Variants in RNF169 observed in about 807,000 individuals in gnomAD.
RNF169 encodes the protein ring finger protein 169, also known as E3 ubiquitin-protein ligase RNF169.
Under a neutral mutation model 53.9 loss-of-function variants are expected in RNF169, and 24 were observed. The observed-to-expected ratio is 0.45, with a 90% confidence interval of 0.32 to 0.63. RNF169 has a LOEUF of 0.63. Among genes scored for constraint, RNF169 ranks in the 20% least tolerant of loss-of-function variants. The probability of loss-of-function intolerance (pLI) is 0.04; values close to 1 mark genes in which losing one functional copy is unlikely to be tolerated. For synonymous variants in RNF169, 396 were observed against 363.5 expected, an observed-to-expected ratio of 1.09 and a Z score of -1.02; for missense variants, 883 against 906.2, an observed-to-expected ratio of 0.97 and a Z score of 0.33.
intron 1 of RNF169, among the ~76,000 whole-genome samples, chr11:74,785,605 T>A (rs1164638987): frequency 6.6e-6 from 1 of 152,134 alleles, no homozygotes; most frequent in Non-Finnish European, 1.5e-5. Flanking sequence ...TTCTATGTAA[T>A]TTTTGAGCTT....
chr11:74,817,537 A>G, intron 3 of RNF169, 59 bp from the exon 4 acceptor site: 3 of 1,032,032 alleles, frequency 2.9e-6, no homozygotes, highest in Non-Finnish European at 4.6e-6. Flanking sequence ...ACCTATAGCT[A>G]GAGTAGATGC....
intron 3 of RNF169, among the ~76,000 whole-genome samples, chr11:74,817,198 C>G (rs2035951429): frequency 1.3e-5 from 2 of 152,154 alleles, no homozygotes; most frequent in South Asian, 2.1e-4. Context: ...ATTAACTACT[C>G]TGAGCCTCAG....
chr11:74,768,044 C>A (rs1179255010), intron 1 of RNF169, among the ~76,000 whole-genome samples: 1 of 152,094 alleles, frequency 6.6e-6, no homozygotes, highest in Non-Finnish European at 1.5e-5. Context: ...TAGTCAAGAC[C>A]ATTTTGAAGA....
intron 1 of RNF169, among the ~76,000 whole-genome samples, chr11:74,764,234 G>A (rs1186395047): frequency 6.6e-6 from 1 of 152,218 alleles, no homozygotes; most frequent in African/African-American, 2.4e-5. Flanking sequence ...ACTCAGGTGA[G>A]TTATTCAAGA....
chr11:74,790,879 G>C (rs567047342), intron 2 of RNF169, among the ~76,000 whole-genome samples: 1 of 152,228 alleles, frequency 6.6e-6, no homozygotes, highest in Non-Finnish European at 1.5e-5. Flanking sequence ...CTCAGTCTGG[G>C]CTCCCTGAAG....
rs1489434501 is a variant in RNF169 at position 74,821,539 on chromosome 11, TC to T, written c.842+3828del. 7.1e-5 allele frequency among the ~76,000 whole-genome samples: 8 copies of T among 112,210 alleles called. 1 individual carries two copies. The East Asian group carries it at 1.9e-3, about 27-fold the overall frequency. 73.6% of individuals were successfully genotyped at this position (112,210 alleles called of 152,430 possible). A position where few individuals can be genotyped will look rare whatever the true frequency, so the allele number is the denominator to read the frequency against. On this transcript the variant is annotated intron_variant, in intron 4 of 5. Transcript: ENST00000299563. The stretch of plus-strand genomic sequence containing the variant: ...CGGGCGTAGTGGCGGGCGCCTGTAG[TC>T]CCAGCTACCTGGGAGGCTGAGGCAG...
intron 1 of RNF169, among the ~76,000 whole-genome samples, chr11:74,763,941 G>A (rs1250145056): frequency 6.6e-6 from 1 of 152,168 alleles, no homozygotes; most frequent in East Asian, 1.9e-4. Context: ...TGACCTCCCA[G>A]GCTCAAGTGA....
chr11:74,801,618 A>G (rs1369594658), intron 2 of RNF169, among the ~76,000 whole-genome samples: 1 of 152,236 alleles, frequency 6.6e-6, no homozygotes, highest in African/African-American at 2.4e-5. Context: ...AGCTCTAGAT[A>G]TCAACAAAAA....
At position 74,799,910 on chromosome 11, in the gene RNF169, T is replaced by A. The variant is rs573476915; in HGVS notation, c.576+10211T>A. On this transcript the variant is annotated intron_variant, in intron 2 of 5. Transcript: ENST00000299563. Reference sequence around the variant, plus strand: ...TCAAAAATTTAAGCTTAAGACTTTTTAAAAAATAGATTTTAGATCACATTA... The same window carrying A: ...TCAAAAATTTAAGCTTAAGACTTTTAAAAAAATAGATTTTAGATCACATTA... Among the ~76,000 whole-genome samples the A allele has an allele frequency of 2.4e-3, 361 of 151,228 alleles. 3 individuals are homozygous for A. Among genetic ancestry groups the A allele is most frequent in the African/African-American group, 8.4e-3 (345 of 41,160 alleles).
intron 1 of RNF169, among the ~76,000 whole-genome samples, chr11:74,789,353 A>G (rs148867195): frequency 6.6e-6 from 1 of 152,344 alleles, no homozygotes; most frequent in Middle Eastern, 3.4e-3. Context: ...ACAAGCATTT[A>G]TCAACCTCAG....
intron 2 of RNF169, among the ~76,000 whole-genome samples, chr11:74,803,428 A>C (rs1041511185): frequency 6.6e-6 from 1 of 152,066 alleles, no homozygotes; most frequent in South Asian, 2.1e-4. Context: ...GAGATATGAG[A>C]TATGTTCTGG....
chr11:74,749,886 A>C lies in RNF169; in HGVS notation c.502+504A>C, dbSNP rs181668197. On this transcript the variant is annotated intron_variant, in intron 1 of 5. Coordinates refer to ENST00000299563, the MANE Select transcript of RNF169 (RefSeq NM_001098638.2). ...CGAGAGCAGAGGGGGTTGGGAGCAC[A>C]CTTGTGCAGTTGTTTTCATACATTT... 5.9e-5 allele frequency among the ~76,000 whole-genome samples: 9 copies of C among 152,310 alleles called. No individual in the cohort carries two copies. The East Asian group carries it at 1.7e-3, about 29-fold the overall frequency.
chr11:74,834,368 T>C (rs893773714), intron 4 of RNF169, among the ~76,000 whole-genome samples: 6 of 152,238 alleles, frequency 3.9e-5, no homozygotes, highest in African/African-American at 7.2e-5. Context: ...ATCCACCCTA[T>C]TAAGGATAGT....
intron 1 of RNF169, among the ~76,000 whole-genome samples, chr11:74,754,813 C>G (rs1591383898): frequency 6.6e-6 from 1 of 152,182 alleles, no homozygotes; most frequent in Non-Finnish European, 1.5e-5. Flanking sequence ...GAGCGAGACT[C>G]TCTCTGAAAA....
intron 1 of RNF169, among the ~76,000 whole-genome samples, chr11:74,769,546 C>T (rs1183578356): frequency 1.3e-5 from 2 of 152,090 alleles, no homozygotes; most frequent in Non-Finnish European, 2.9e-5. Flanking sequence ...CATTACAGCA[C>T]TGTAGTACTA....
intron 1 of RNF169, among the ~76,000 whole-genome samples, chr11:74,772,182 A>T (rs78717610): frequency 5.8e-5 from 4 of 69,492 alleles, no homozygotes; most frequent in Non-Finnish European, 9.8e-5. Context: ...GGTCTTTTTT[A>T]AAAAAATCAC....
chr11:74,749,531 G>T lies in RNF169; in HGVS notation c.502+149G>T, dbSNP rs572875345. 14 of 677,752 alleles carry T rather than the reference G, an allele frequency of 2.1e-5. 2 individuals are homozygous for T. In the South Asian group the frequency reaches 2.2e-4, roughly 10 times the overall value. The allele number at this position is 677,752 out of a possible 1,614,324, so 42.0% of individuals were successfully genotyped here. A position where few individuals can be genotyped will look rare whatever the true frequency, so the allele number is the denominator to read the frequency against. On this transcript the variant is annotated intron_variant, in intron 1 of 5. Coordinates refer to ENST00000299563, the MANE Select transcript of RNF169 (RefSeq NM_001098638.2). ...AGAACCCGGGCTCTACCCAGGTGCAGTGTGTTTGTGAATTTTGAACTTCAG... is the reference window on the plus strand; with the variant it reads ...AGAACCCGGGCTCTACCCAGGTGCATTGTGTTTGTGAATTTTGAACTTCAG...
intron 1 of RNF169, among the ~76,000 whole-genome samples, chr11:74,777,961 G>A (rs1206182500): frequency 6.6e-6 from 1 of 152,128 alleles, no homozygotes; most frequent in African/African-American, 2.4e-5. Flanking sequence ...CACTAATCCA[G>A]AGATTAGCAA....
chr11:74,750,466 ACT>A (rs2034869608), intron 1 of RNF169, among the ~76,000 whole-genome samples: 1 of 150,994 alleles, frequency 6.6e-6, no homozygotes, highest in East Asian at 1.9e-4. Flanking sequence ...TCTAGAATGC[ACT>A]CTGTTTTGAT....
Sources: gnomAD v4.1 joint callset for allele counts (sites outside exome capture counted in the v4.1 genomes callset) on GRCh38, gnomAD v4.1.1 for gene constraint, MANE v1.5 for transcripts, NCBI Gene and HGNC (gene_info 2026-07-23, HGNC 2026-07-21) for gene names.